The following SLC8A1 variants were observed in gnomAD, a reference collection of about 807,000 sequenced individuals.
SLC8A1 encodes the protein sodium/calcium exchanger 1.
In SLC8A1, 18 loss-of-function variants were observed where a neutral mutation model predicts 68.3. The observed-to-expected ratio is 0.26, with a 90% confidence interval of 0.18 to 0.39. The LOEUF (loss-of-function observed/expected upper bound fraction) is 0.39, where lower values mean the gene tolerates loss of function less well. SLC8A1 is among the 10% of genes least tolerant of loss of function. The probability of loss-of-function intolerance (pLI) is 1.00; values close to 1 mark genes in which losing one functional copy is unlikely to be tolerated. For synonymous variants in SLC8A1, 475 were observed against 415.5 expected (o/e 1.14, Z -1.74); for missense variants, 985 against 1,156.7 (o/e 0.85, Z 2.15).
chr2:40,120,731 C>T (rs1421569972), intron 7 of SLC8A1: 2 of 152,148 alleles, frequency 1.3e-5, no homozygotes, highest in Admixed American at 6.5e-5. Context: ...AAGATACTAC[C>T]TTTGATCAAA....
intron 2 of SLC8A1, among the ~76,000 whole-genome samples, chr2:40,220,974 T>C (rs979864572): frequency 2.6e-5 from 4 of 152,074 alleles, no homozygotes; most frequent in African/African-American, 9.7e-5. Flanking sequence ...CCATCACTTC[T>C]GAAACTCTTC....
intron 7 of SLC8A1, among the ~76,000 whole-genome samples, chr2:40,135,861 A>C (rs1308760799): frequency 2.0e-5 from 3 of 152,220 alleles, no homozygotes; most frequent in Non-Finnish European, 4.4e-5. Context: ...GTTTGGTTAA[A>C]GGATAAGGCC....
At chr2:40,204,085 T>G (rs2054916769) in intron 2 of SLC8A1, among the ~76,000 whole-genome samples, 1 of 152,006 alleles carries the variant, frequency 6.6e-6, no homozygotes, top group South Asian at 2.1e-4. Context: ...AAGATCCCTG[T>G]GTTCTTTAGA....
At chr2:40,435,588 C>T (rs1205803832) in intron 1 of SLC8A1, among the ~76,000 whole-genome samples, 2 of 152,006 alleles carry the variant, frequency 1.3e-5, no homozygotes, top group African/African-American at 2.4e-5. Flanking sequence ...GAAGTCAGGC[C>T]CCTGCCTTAT....
chr2:40,445,191 G>C (rs1288536919), intron 1 of SLC8A1, among the ~76,000 whole-genome samples: 3 of 151,898 alleles, frequency 2.0e-5, no homozygotes, highest in Non-Finnish European at 4.4e-5. Flanking sequence ...ACACGGAAAA[G>C]GCTAAGTAAT....
At chr2:40,213,856 G>A (rs556397621) in intron 2 of SLC8A1, among the ~76,000 whole-genome samples, 1 of 152,304 alleles carries the variant, frequency 6.6e-6, no homozygotes, top group East Asian at 1.9e-4. Flanking sequence ...TGCTTTGGGT[G>A]TTCCAAATTT....
At chr2:40,463,133 C>G (rs1326645949) in intron 1 of SLC8A1, among the ~76,000 whole-genome samples, 1 of 152,092 alleles carries the variant, frequency 6.6e-6, no homozygotes, top group African/African-American at 2.4e-5. Flanking sequence ...TAGACGTTTT[C>G]TAAGAGAGAG....
intron 1 of SLC8A1, among the ~76,000 whole-genome samples, chr2:40,481,071 C>A (rs773640456): frequency 6.6e-6 from 1 of 152,074 alleles, no homozygotes; most frequent in African/African-American, 2.4e-5. Flanking sequence ...GGGCATCAGT[C>A]GCAAAGTCAT....
intron 7 of SLC8A1, among the ~76,000 whole-genome samples, chr2:40,133,509 A>G (rs1361493286): frequency 6.6e-6 from 1 of 152,078 alleles, no homozygotes; most frequent in African/African-American, 2.4e-5. Flanking sequence ...TATTCGAAAC[A>G]TAGGAAGGAC....
At chr2:40,358,568 T>C (rs912110333) in intron 2 of SLC8A1, among the ~76,000 whole-genome samples, 1 of 152,230 alleles carries the variant, frequency 6.6e-6, no homozygotes, top group Non-Finnish European at 1.5e-5. Flanking sequence ...TCTCTTTATT[T>C]TGTGGAGCTG....
At chr2:40,377,565 C>G (rs1680309237) in intron 2 of SLC8A1, among the ~76,000 whole-genome samples, 1 of 151,616 alleles carries the variant, frequency 6.6e-6, no homozygotes. Context: ...ACTCACAGCC[C>G]TAGAGCAGAG....
intron 1 of SLC8A1, among the ~76,000 whole-genome samples, chr2:40,486,812 T>C (rs1704995677): frequency 6.6e-6 from 1 of 151,830 alleles, no homozygotes; most frequent in African/African-American, 2.4e-5. Flanking sequence ...CATGTTGGTG[T>C]GCTGCACCTG....
At chr2:40,342,002 C>G (rs1443826368) in intron 2 of SLC8A1, among the ~76,000 whole-genome samples, 5 of 152,134 alleles carry the variant, frequency 3.3e-5, no homozygotes, top group African/African-American at 1.2e-4. Flanking sequence ...CTTTCAGCAT[C>G]ATATGGGAGC....
chr2:40,291,276 A>G (rs1052301823), intron 2 of SLC8A1, among the ~76,000 whole-genome samples: 1 of 152,166 alleles, frequency 6.6e-6, no homozygotes, highest in African/African-American at 2.4e-5. Context: ...AGGCTTGTCC[A>G]AAGTGTTCAA....
chr2:40,400,962 AG>A (rs1688551624), intron 2 of SLC8A1, among the ~76,000 whole-genome samples: 1 of 152,168 alleles, frequency 6.6e-6, no homozygotes, highest in African/African-American at 2.4e-5. Context: ...AGAAAAAGGA[AG>A]CCACACAGAA....
chr2:40,386,505 C>G (rs1004601149), intron 2 of SLC8A1, among the ~76,000 whole-genome samples: 6 of 130,304 alleles, frequency 4.6e-5, no homozygotes, highest in African/African-American at 1.6e-4. Context: ...TATTTTAGAT[C>G]AGGATTTTTA....
chr2:40,126,595 C>G (rs571446262), intron 7 of SLC8A1, among the ~76,000 whole-genome samples: 7 of 152,072 alleles, frequency 4.6e-5, no homozygotes, highest in Non-Finnish European at 1.0e-4. Flanking sequence ...GTTTCTGGGA[C>G]TAGACCTGCC....
At chr2:40,147,493 T>C (rs2042679371) in intron 6 of SLC8A1, among the ~76,000 whole-genome samples, 1 of 152,122 alleles carries the variant, frequency 6.6e-6, no homozygotes, top group African/African-American at 2.4e-5. Flanking sequence ...ACTCAGCAAG[T>C]GTAGATACCT....
rs558952620 is a variant in SLC8A1, at chr2:40,229,237, G to A, written c.1809-51382C>T. On this transcript the variant is annotated intron_variant, in intron 2 of 7. Transcript: ENST00000406785. ...GGAAGAGGTATCAATTAGAGAAACT[G>A]AATGGCTCATGACCCTACTAAGTTG... Among the ~76,000 whole-genome samples the A allele has an allele frequency of 3.3e-5, 5 of 152,104 alleles. No individual in the cohort carries two copies. The East Asian group carries it at 9.7e-4, about 29-fold the overall frequency.
Sources: gnomAD v4.1 joint callset for allele counts (sites outside exome capture counted in the v4.1 genomes callset) on GRCh38, gnomAD v4.1.1 for gene constraint, MANE v1.5 for transcripts, NCBI Gene and HGNC (gene_info 2026-07-23, HGNC 2026-07-21) for gene names.